The following SCNN1G variants were observed in gnomAD, a reference collection of about 807,000 sequenced individuals.
SCNN1G encodes epithelial sodium channel subunit gamma.
In SCNN1G, 27 loss-of-function variants were observed where a neutral mutation model predicts 64.6. The observed-to-expected ratio is 0.42, with a 90% CI of 0.31 to 0.58. The LOEUF (loss-of-function observed/expected upper bound fraction) is 0.58. Ranked by LOEUF, SCNN1G falls within the 20% of genes least tolerant of loss-of-function variation. The pLI, the probability that SCNN1G is intolerant of heterozygous loss-of-function variation, is 0.18. For synonymous variants in SCNN1G, 330 were observed against 314.2 expected, an observed-to-expected ratio of 1.05 and a Z score of -0.53; for missense variants, 743 against 823.4, an observed-to-expected ratio of 0.90 and a Z score of 1.19.
intron 4 of SCNN1G, 140 bp from the exon 5 acceptor site, chr16:23,194,031 C>CA: frequency 1.4e-6 from 1 of 705,976 alleles, no homozygotes; most frequent in Admixed American, 2.0e-5. Flanking sequence ...GTCATTTGAT[C>CA]AGGAGCAAGA....
chr16:23,206,737 C>T (rs1392161764), intron 6 of SCNN1G, among the ~76,000 whole-genome samples: 2 of 152,186 alleles, frequency 1.3e-5, no homozygotes, highest in East Asian at 3.8e-4. Context: ...ACATATACCC[C>T]TATACCTACA....
At chr16:23,198,751 A>C (rs1461321643) in intron 6 of SCNN1G, among the ~76,000 whole-genome samples, 1 of 151,818 alleles carries the variant, frequency 6.6e-6, no homozygotes, top group Non-Finnish European at 1.5e-5. Context: ...AAACAAACAA[A>C]CAAACAAAAA....
At chr16:23,205,323 C>T (rs192481826) in intron 6 of SCNN1G, among the ~76,000 whole-genome samples, 14 of 152,132 alleles carry the variant, frequency 9.2e-5, no homozygotes, top group Non-Finnish European at 1.3e-4. Context: ...AACCCCCTTA[C>T]GCCCACGGTC....
intron 6 of SCNN1G, among the ~76,000 whole-genome samples, chr16:23,207,601 A>C (rs1338197604): frequency 3.9e-5 from 6 of 152,222 alleles, no homozygotes; most frequent in African/African-American, 1.2e-4. Context: ...AGGGCAAAGT[A>C]AATGTATGAG....
intron 6 of SCNN1G, among the ~76,000 whole-genome samples, chr16:23,208,097 C>T (rs758103714): frequency 2.6e-5 from 4 of 152,180 alleles, no homozygotes; most frequent in Non-Finnish European, 5.9e-5. Context: ...TGTTATCCTC[C>T]CACCCCCATT....
rs1489255030 is a variant in SCNN1G, at chr16:23,192,343, T to G, written c.619-9T>G. ...ATGGCTTCAGCCTCGCATCTCCTCT[T>G]ATTCACAGTGCTCAAATGACACCTC... On this transcript the variant is annotated splice_polypyrimidine_tract_variant and intron_variant, in intron 3 of 12. Transcript: ENST00000300061. 12 of 1,613,052 alleles carry G rather than the reference T, an allele frequency of 7.4e-6. No homozygotes were observed. The highest frequency in any genetic ancestry group is 1.0e-5 in the Non-Finnish European group (12 of 1,179,060).
intron 6 of SCNN1G, among the ~76,000 whole-genome samples, chr16:23,207,262 C>T (rs1329757700): frequency 4.6e-5 from 7 of 152,210 alleles, no homozygotes; most frequent in African/African-American, 1.7e-4. Flanking sequence ...ACAGACCCCT[C>T]ATCTGGATGC....
intron 2 of SCNN1G, 72 bp downstream of exon 2, chr16:23,186,660 G>T (rs1959612319): frequency 7.5e-7 from 1 of 1,327,188 alleles, no homozygotes; most frequent in Non-Finnish European, 1.1e-6. Flanking sequence ...CCTCCCGAAA[G>T]TGACACACTG....
At position 23,212,116 on chromosome 16, in the gene SCNN1G, C is replaced by T; in HGVS notation, c.1259C>T (p.Ala420Val). Residue 420 changes from alanine to valine, a missense_variant, in exon 8 of 13, where the codon GCC becomes GTC. Transcript: ENST00000300061. ...AQYSQPLPPA[A>V]NYCNYQQHPN... ...TACAGCCAGCCTCTACCTCCTGCAG[C>T]CAACTACTGCAACTACCAGCAGCAC... is the stretch of plus-strand genomic sequence containing the variant. 6.2e-7 allele frequency: 1 copy of T among 1,613,206 alleles called. No homozygotes were observed. The highest frequency in any genetic ancestry group is 8.5e-7 in the Non-Finnish European group (1 of 1,179,200).
intron 6 of SCNN1G, among the ~76,000 whole-genome samples, chr16:23,206,446 T>G (rs1959991638): frequency 6.6e-6 from 1 of 152,154 alleles, no homozygotes; most frequent in South Asian, 2.1e-4. Context: ...CTTAGCACTG[T>G]TTATACCTTA....
At chr16:23,199,339 T>C (rs892544845) in intron 6 of SCNN1G, among the ~76,000 whole-genome samples, 3 of 152,210 alleles carry the variant, frequency 2.0e-5, no homozygotes, top group Admixed American at 6.6e-5. Context: ...TTCCATTGCG[T>C]GAATAAGTTA....
chr16:23,198,611 G>A (rs1177297830), intron 6 of SCNN1G, among the ~76,000 whole-genome samples: 2 of 149,996 alleles, frequency 1.3e-5, no homozygotes, highest in African/African-American at 4.9e-5. Flanking sequence ...GGTGGCACAG[G>A]CCTGTAGTCC....
rs879416597 is a variant in SCNN1G at position 23,216,539 on chromosome 16, T to C, written c.*1070T>C. On this transcript the variant is annotated 3_prime_UTR_variant, in exon 13 of 13. Coordinates refer to ENST00000300061, the MANE Select transcript of SCNN1G (RefSeq NM_001039.4). Reference sequence around the variant, plus strand: ...AAGAACAGGGTGTTAGGTACTGTTTTAAGCACCTAGATAGGTTAGCATAGG... The same window carrying C: ...AAGAACAGGGTGTTAGGTACTGTTTCAAGCACCTAGATAGGTTAGCATAGG... The C allele has an allele frequency of 3.9e-5, 6 of 152,360 alleles. No individual in the cohort carries two copies. The highest frequency in any genetic ancestry group is 1.4e-4 in the African/African-American group (6 of 41,588). The allele number at this position is 152,360 out of a possible 1,614,324, so 9.4% of individuals were successfully genotyped here.
In SCNN1G at chr16:23,215,561, T is replaced by C; in HGVS notation, c.*92T>C. 1 of 1,466,728 alleles carries C rather than the reference T, an allele frequency of 6.8e-7. No homozygotes were observed. The highest frequency in any genetic ancestry group is 9.4e-7 in the Non-Finnish European group (1 of 1,061,270). The allele number at this position is 1,466,728 out of a possible 1,614,324, so 90.9% of individuals were successfully genotyped here. On this transcript the variant is annotated 3_prime_UTR_variant, in exon 13 of 13. Transcript: ENST00000300061. ...CCCCAGACGTGTGCACAGGGGACCC[T>C]CTGCCCCACTCTGGGCTTTTCAGAT...
chr16:23,209,959 TG>T (rs917813140), intron 7 of SCNN1G, 111 bp downstream of exon 7: 1 of 778,344 alleles, frequency 1.3e-6, no homozygotes, highest in Non-Finnish European at 2.3e-6. Context: ...TGAGGATCCC[TG>T]GGGTTCATCC....
chr16:23,186,337 G>C lies in SCNN1G; in HGVS notation c.66G>C (p.Ala22=). The C allele has an allele frequency of 3.1e-6, 5 of 1,614,210 alleles. No individual in the cohort carries two copies. Among genetic ancestry groups the C allele is most frequent in the Non-Finnish European group, 4.2e-6 (5 of 1,180,042 alleles). Residue 22 remains alanine (A), a synonymous_variant, in exon 2 of 13, where the codon GCG becomes GCC. Coordinates refer to ENST00000300061, the MANE Select transcript of SCNN1G (RefSeq NM_001039.4). ...ATCTGCCCGTGACGGGCCCTCAGGC[G>C]CCGACCATTAAAGAGCTGATGCGGT... ...KKNLPVTGPQ[A]PTIKELMRWY... is the part of the protein sequence containing the mutation.
chr16:23,214,459 T>A (rs1348820277), intron 11 of SCNN1G, among the ~76,000 whole-genome samples: 1 of 152,244 alleles, frequency 6.6e-6, no homozygotes, highest in East Asian at 1.9e-4. Flanking sequence ...AATGGCAGTA[T>A]GGCTGGGTCG....
At chr16:23,209,288 C>T (rs377034581) in intron 6 of SCNN1G, among the ~76,000 whole-genome samples, 2 of 152,230 alleles carry the variant, frequency 1.3e-5, no homozygotes, top group Admixed American at 6.5e-5. Flanking sequence ...TCACCATTCC[C>T]GACTTCCTGT....
chr16:23,201,056 G>A (rs192322374), intron 6 of SCNN1G, among the ~76,000 whole-genome samples: 13 of 152,182 alleles, frequency 8.5e-5, no homozygotes, highest in Non-Finnish European at 1.2e-4. Context: ...AAACTATCTC[G>A]AACCCTCAAT....
Sources: allele counts gnomAD v4.1 joint callset (sites outside exome capture counted in the v4.1 genomes callset), GRCh38; gene constraint gnomAD v4.1.1; transcripts MANE v1.5; gene names NCBI Gene and HGNC (gene_info 2026-07-23, HGNC 2026-07-21).